Variants in SPATA6L observed in about 807,000 individuals in gnomAD.
SPATA6L encodes spermatogenesis associated 6-like protein.
In SPATA6L, 68 loss-of-function variants were observed where a neutral mutation model predicts 49.2. The observed-to-expected ratio is 1.38, with a 90% CI of 1.14 to 1.69. The LOEUF is 1.69. Among genes scored for constraint, SPATA6L ranks in the 40% most tolerant of loss-of-function variants. SPATA6L has a pLI of 0.00. For missense variants in SPATA6L, 668 were observed against 464.3 expected, an observed-to-expected ratio of 1.44 and a Z score of -4.03; for synonymous variants, 198 against 165.7, an observed-to-expected ratio of 1.19 and a Z score of -1.50.
chr9:4,609,259 C>G (rs1205601573), intron 9 of SPATA6L, among the ~76,000 whole-genome samples: 6 of 150,904 alleles, frequency 4.0e-5, no homozygotes, highest in Non-Finnish European at 7.4e-5. Flanking sequence ...CTATTCCAAT[C>G]AATAGAAAAA....
downstream of SPATA6L, among the ~76,000 whole-genome samples, chr9:4,595,942 G>C (rs1822219348): frequency 6.6e-6 from 1 of 152,172 alleles, no homozygotes; most frequent in South Asian, 2.1e-4. Flanking sequence ...GCCTTTGGCT[G>C]GTTTAGATTT....
At chr9:4,606,232 G>T (rs570233431) in intron 9 of SPATA6L, among the ~76,000 whole-genome samples, 2 of 147,528 alleles carry the variant, frequency 1.4e-5, no homozygotes, top group Non-Finnish European at 3.0e-5. Flanking sequence ...AGGGGCGCCC[G>T]CCATTGCCCA....
chr9:4,624,727 CAAAAAAAA>C (rs58455568), intron 6 of SPATA6L, among the ~76,000 whole-genome samples: 1 of 72,508 alleles, frequency 1.4e-5, no homozygotes, highest in African/African-American at 4.4e-5. Flanking sequence ...GACTCTGTCT[CAAAAAAAA>C]AAAAAAAAAA....
At position 4,662,574 on chromosome 9, in the gene SPATA6L, CGCCGCGGCTCCTTCCCCCTG is replaced by C. The variant is rs768017375; in HGVS notation, c.40-558_40-539del. 16 of 1,587,478 alleles carry C rather than the reference CGCCGCGGCTCCTTCCCCCTG, an allele frequency of 1.0e-5. No individual in the cohort carries two copies. Among genetic ancestry groups the C allele is most frequent in the Non-Finnish European group, 1.4e-5 (16 of 1,175,226 alleles). On this transcript the variant is annotated intron_variant, in intron 1 of 11. Transcript: ENST00000682582. This position sits in a 1 kb window ranked among gnomAD's most constrained non-coding sequence, Gnocchi z 4.9. ...CCGTGCATCGGAGAGCCCAGTTCAC[CGCCGCGGCTCCTTCCCCCTG>C]GCCGCGGCGGGCCCCTCGCAGTCGC...
At chr9:4,655,076 C>A (rs1206693367) in intron 3 of SPATA6L, among the ~76,000 whole-genome samples, 2 of 152,176 alleles carry the variant, frequency 1.3e-5, no homozygotes, top group Non-Finnish European at 2.9e-5. Flanking sequence ...CATATGTTCA[C>A]ACAAAAACTT....
At chr9:4,595,769 ATAT>A (rs1443233378), downstream of SPATA6L, among the ~76,000 whole-genome samples, 1 of 152,246 alleles carries the variant, frequency 6.6e-6, no homozygotes, top group African/African-American at 2.4e-5. Context: ...ATACTGCCTT[ATAT>A]TATTAAGTTA....
At chr9:4,637,282 G>A (rs1832995241) in intron 3 of SPATA6L, among the ~76,000 whole-genome samples, 1 of 151,932 alleles carries the variant, frequency 6.6e-6, no homozygotes, top group South Asian at 2.1e-4. Context: ...TGCATGGCTG[G>A]CTCCTTCCTA....
At chr9:4,596,157 T>C (rs549037919), downstream of SPATA6L, among the ~76,000 whole-genome samples, 11 of 152,290 alleles carry the variant, frequency 7.2e-5, no homozygotes, top group African/African-American at 2.6e-4. Flanking sequence ...CCAGTAAGTA[T>C]GGAAACTTCA....
At position 4,662,132 on chromosome 9, in the gene SPATA6L, C is replaced by A. The variant is rs1334503973; in HGVS notation, c.40-96G>T. ...TATTTCTCTTAAGCTCCTACAGACA[C>A]TGACATTTTCCCCATCACCTCACTC... On this transcript the variant is annotated intron_variant, in intron 1 of 11. Coordinates refer to ENST00000682582, the MANE Select transcript of SPATA6L (RefSeq NM_001353486.2). This position sits in a 1 kb window ranked among gnomAD's most constrained non-coding sequence, Gnocchi z 4.9. 2 of 1,509,984 alleles carry A rather than the reference C, an allele frequency of 1.3e-6. No homozygotes were observed. The highest frequency in any genetic ancestry group is 8.9e-7 in the Non-Finnish European group (1 of 1,128,550). 93.5% of individuals were successfully genotyped at this position (1,509,984 alleles called of 1,614,324 possible).
chr9:4,622,867 A>C (rs1022128065), intron 6 of SPATA6L, among the ~76,000 whole-genome samples: 7 of 152,252 alleles, frequency 4.6e-5, no homozygotes, highest in Admixed American at 3.3e-4. Context: ...TTCCTGAAAC[A>C]GTATGAGTAG....
chr9:4,657,533 G>A (rs1322873331), intron 2 of SPATA6L, among the ~76,000 whole-genome samples: 1 of 150,102 alleles, frequency 6.7e-6, no homozygotes, highest in African/African-American at 2.5e-5. Context: ...CACAGAAACT[G>A]TTTTTTAAAA....
At chr9:4,611,806 GA>G (rs112533008) in intron 9 of SPATA6L, among the ~76,000 whole-genome samples, 8,959 of 151,140 alleles carry the variant, frequency 0.059, 896 homozygotes, top group African/African-American at 0.21. Flanking sequence ...AATAATAAAA[GA>G]AAAAAAAATT....
chr9:4,662,424 G>A lies in SPATA6L; in HGVS notation c.40-388C>T, dbSNP rs975025512. On this transcript the variant is annotated intron_variant, in intron 1 of 11. Coordinates refer to ENST00000682582, the MANE Select transcript of SPATA6L (RefSeq NM_001353486.2). The surrounding 1 kb of genome is among the most constrained non-coding windows in gnomAD (Gnocchi z 4.9). ...GGAGGGACGGCCGCTGGGCGTCTCC[G>A]CTTCGAGCAGCAGCAGCAGCCCCGG... is the stretch of plus-strand genomic sequence containing the variant. 1 of 1,540,134 alleles carries A rather than the reference G, an allele frequency of 6.5e-7. No individual in the cohort carries two copies. The highest frequency in any genetic ancestry group is 1.9e-5 in the Admixed American group (1 of 51,526).
chr9:4,627,349 C>T (rs1225907743), intron 5 of SPATA6L: 1 of 160,740 alleles, frequency 6.2e-6, no homozygotes, highest in Non-Finnish European at 1.4e-5. Context: ...TAATGCCTTC[C>T]TTAAAATTAA....
chr9:4,662,236 C>T lies in SPATA6L; in HGVS notation c.40-200G>A, dbSNP rs1310401065. 2.8e-6 allele frequency: 4 copies of T among 1,431,386 alleles called. No individual in the cohort carries two copies. Among genetic ancestry groups the T allele is most frequent in the Admixed American group, 5.7e-5 (2 of 34,886 alleles). 88.7% of individuals were successfully genotyped at this position (1,431,386 alleles called of 1,614,324 possible). A position where few individuals can be genotyped will look rare whatever the true frequency, so the allele number is the denominator to read the frequency against. On this transcript the variant is annotated intron_variant, in intron 1 of 11. Transcript: ENST00000682582. This position sits in a 1 kb window ranked among gnomAD's most constrained non-coding sequence, Gnocchi z 4.9. Reference sequence around the variant, plus strand: ...GAAATTCCAACTCCCTCCCACGTCTCCACCAGGTGTCACAATCGCGCTCTC... The same window carrying T: ...GAAATTCCAACTCCCTCCCACGTCTTCACCAGGTGTCACAATCGCGCTCTC...
chr9:4,638,743 G>A (rs1193589165), intron 3 of SPATA6L, among the ~76,000 whole-genome samples: 1 of 151,796 alleles, frequency 6.6e-6, no homozygotes, highest in Non-Finnish European at 1.5e-5. Flanking sequence ...ACTTTCTCCT[G>A]AAGCTTATAG....
intron 3 of SPATA6L, among the ~76,000 whole-genome samples, chr9:4,653,503 C>G (rs547507100): frequency 2.4e-4 from 36 of 152,286 alleles, no homozygotes; most frequent in Admixed American, 1.2e-3. Flanking sequence ...AATAGATAAA[C>G]TGAAATTCAT....
At chr9:4,640,084 C>T (rs1833707270) in intron 3 of SPATA6L, among the ~76,000 whole-genome samples, 1 of 152,122 alleles carries the variant, frequency 6.6e-6, no homozygotes, top group Non-Finnish European at 1.5e-5. Context: ...TAAAATTAAG[C>T]CCTGTTAAGT....
chr9:4,609,445 C>T (rs926324518), intron 9 of SPATA6L, among the ~76,000 whole-genome samples: 3 of 152,198 alleles, frequency 2.0e-5, no homozygotes, highest in Middle Eastern at 3.2e-3. Context: ...AGCTTAACCA[C>T]CATGATCAAG....
Sources: allele counts gnomAD v4.1 joint callset (sites outside exome capture counted in the v4.1 genomes callset), GRCh38; gene constraint gnomAD v4.1.1; non-coding constraint Gnocchi (gnomAD v3.1); transcripts MANE v1.5; gene names NCBI Gene and HGNC (gene_info 2026-07-23, HGNC 2026-07-21).